The following MOK variants were observed in gnomAD, a reference collection of about 807,000 sequenced individuals.
MOK encodes MOK protein kinase.
A neutral mutation model predicts 54.2 loss-of-function variants in MOK; 59 were observed. That is an observed-to-expected ratio of 1.09 (90% confidence interval 0.88 to 1.35). The LOEUF (loss-of-function observed/expected upper bound fraction) is 1.35, where lower values mean the gene tolerates loss of function less well. MOK is among the 40% of genes most tolerant of loss of function. MOK has a pLI of 0.00. For synonymous variants in MOK, 210 were observed against 202.7 expected (o/e 1.04, Z -0.31); for missense variants, 517 against 526.2 (o/e 0.98, Z 0.17).
downstream of MOK, chr14:102,225,035 A>G (rs1261999688): frequency 1.5e-5 from 5 of 325,202 alleles, no homozygotes; most frequent in Non-Finnish European, 3.0e-5. Context: ...TTTGGAAGGC[A>G]GAAGGAACTA....
chr14:102,288,592 G>C (rs1717760541), intron 1 of MOK, among the ~76,000 whole-genome samples: 1 of 152,168 alleles, frequency 6.6e-6, no homozygotes, highest in Non-Finnish European at 1.5e-5. Context: ...TTCTTTTGGG[G>C]ATGATGAAAA....
chr14:102,252,105 C>T (rs2066578469), intron 4 of MOK, 110 bp from the exon 5 acceptor site: 2 of 695,650 alleles, frequency 2.9e-6, no homozygotes, highest in South Asian at 3.8e-5. Flanking sequence ...CTAAGTTCCC[C>T]TGTAAAAAAT....
chr14:102,292,378 C>G (rs947092995), intron 1 of MOK, among the ~76,000 whole-genome samples: 2 of 152,072 alleles, frequency 1.3e-5, no homozygotes, highest in African/African-American at 4.8e-5. Flanking sequence ...GAGGCTGAGG[C>G]AGGAGAATGG....
intron 1 of MOK, among the ~76,000 whole-genome samples, chr14:102,302,193 C>G (rs1430284068): frequency 3.3e-5 from 5 of 151,790 alleles, no homozygotes; most frequent in Non-Finnish European, 4.4e-5. Flanking sequence ...CTGCCTCAGC[C>G]TCCCAAGTAG....
intron 7 of MOK, among the ~76,000 whole-genome samples, chr14:102,248,813 G>A (rs936325270): frequency 4.7e-5 from 7 of 150,186 alleles, no homozygotes; most frequent in South Asian, 2.1e-4. Context: ...CCCAGGATGC[G>A]GCCATACCAA....
chr14:102,247,286 A>G (rs1326379778), intron 7 of MOK: 1 of 152,206 alleles, frequency 6.6e-6, no homozygotes, highest in Non-Finnish European at 1.5e-5. Context: ...ACAAAACAGT[A>G]CATCTTTTTA....
At chr14:102,275,564 A>G in intron 2 of MOK, among the ~76,000 whole-genome samples, 1 of 76,266 alleles carries the variant, frequency 1.3e-5, no homozygotes, top group Non-Finnish European at 2.4e-5. Context: ...ACTCCATCTC[A>G]AAAAAAAAAA....
chr14:102,294,184 T>C (rs148782624), intron 1 of MOK, among the ~76,000 whole-genome samples: 8,468 of 151,348 alleles, frequency 0.056, 373 homozygotes, highest in African/African-American at 0.12. Context: ...CGGTGGCTCA[T>C]GCCTGTAATC....
intron 4 of MOK, among the ~76,000 whole-genome samples, chr14:102,255,049 G>T (rs1274517415): frequency 6.6e-6 from 1 of 152,228 alleles, no homozygotes; most frequent in African/African-American, 2.4e-5. Context: ...TTAAAAAGCT[G>T]ATTAAAAAGC....
Position 102,305,086 on chromosome 14 carries a change from G to A in MOK, c.-118C>T, listed in dbSNP as rs1371611075. On this transcript the variant is annotated 5_prime_UTR_variant, in exon 1 of 12. The change creates a new upstream start codon in the 5' untranslated region. Coordinates refer to ENST00000361847, the MANE Select transcript of MOK (RefSeq NM_014226.3). The stretch of plus-strand genomic sequence containing the variant: ...GGCGGGGTCCCGCACTAGGATCTCC[G>A]TGGTGGTCCCTCGAAGGAGAGCGTT... The A allele has an allele frequency of 8.2e-7, 1 of 1,221,552 alleles. No homozygotes were observed. 75.7% of individuals were successfully genotyped at this position (1,221,552 alleles called of 1,614,324 possible).
In MOK at chr14:102,232,178, G is replaced by A. The variant is rs2064789465; in HGVS notation, c.866+357C>T. The A allele has an allele frequency of 3.0e-6, 1 of 332,660 alleles. No homozygotes were observed. Among genetic ancestry groups the A allele is most frequent in the Non-Finnish European group, 5.4e-6 (1 of 183,578 alleles). The allele number at this position is 332,660 out of a possible 1,614,324, so 20.6% of individuals were successfully genotyped here. On this transcript the variant is annotated intron_variant, in intron 9 of 11. Transcript: ENST00000361847. The surrounding 1 kb of genome is among the most constrained non-coding windows in gnomAD (Gnocchi z 5.1). Reference sequence around the variant, plus strand: ...ATTCAGCAGGTACTTCCAGCGCCAGGTGACATCCACAGTGCTCTACCATCT... The same window carrying A: ...ATTCAGCAGGTACTTCCAGCGCCAGATGACATCCACAGTGCTCTACCATCT...
At chr14:102,233,891 C>A in intron 7 of MOK, 102 bp from the exon 8 acceptor site, 1 of 804,546 alleles carries the variant, frequency 1.2e-6, no homozygotes. Flanking sequence ...TCGTGGGAAG[C>A]ATAAACAAAC....
At chr14:102,252,793 C>T (rs945563689) in intron 4 of MOK, among the ~76,000 whole-genome samples, 1 of 152,118 alleles carries the variant, frequency 6.6e-6, no homozygotes, top group Non-Finnish European at 1.5e-5. Context: ...ATGGAAGAGA[C>T]TGCAAAGCAT....
Position 102,238,537 on chromosome 14 carries a change from C to A in MOK, c.591-4748G>T, listed in dbSNP as rs1172223616. 6.6e-6 allele frequency: 1 copy of A among 152,282 alleles called. No individual in the cohort carries two copies. Among genetic ancestry groups the A allele is most frequent in the African/African-American group, 2.4e-5 (1 of 41,422 alleles). The allele number at this position is 152,282 out of a possible 1,614,324, so 9.4% of individuals were successfully genotyped here. ...AGAGGCAACAGAAAGACCAATGGGG[C>A]AGCAAAAGAAGCCTCCCTTTCTTCC... On this transcript the variant is annotated intron_variant, in intron 7 of 11. Coordinates refer to ENST00000361847, the MANE Select transcript of MOK (RefSeq NM_014226.3). This position sits in a 1 kb window ranked among gnomAD's most constrained non-coding sequence, Gnocchi z 4.8.
chr14:102,224,826 C>T (rs1336029817), downstream of MOK: 2 of 455,882 alleles, frequency 4.4e-6, no homozygotes, highest in South Asian at 3.1e-5. Flanking sequence ...GACACTAAGA[C>T]TTGCTGTTCT....
At chr14:102,274,867 C>A (rs888355942) in intron 2 of MOK, among the ~76,000 whole-genome samples, 2 of 150,912 alleles carry the variant, frequency 1.3e-5, no homozygotes, top group Non-Finnish European at 2.9e-5. Flanking sequence ...CCCAGCTACT[C>A]AGGAGGCTGA....
At chr14:102,290,545 G>A (rs1339933568) in intron 1 of MOK, among the ~76,000 whole-genome samples, 1 of 152,116 alleles carries the variant, frequency 6.6e-6, no homozygotes, top group African/African-American at 2.4e-5. Flanking sequence ...AAGTAAATCG[G>A]TATATTAAAA....
At chr14:102,222,852 A>G, downstream of MOK, 2 of 1,614,242 alleles carry the variant, frequency 1.2e-6, no homozygotes, top group South Asian at 1.1e-5. The surrounding 1 kb of genome is among the most constrained non-coding windows in gnomAD (Gnocchi z 4.4). Context: ...TCCCCAAGCC[A>G]GGCCAGTTCT....
At chr14:102,288,324 T>A (rs1472717179) in intron 1 of MOK, among the ~76,000 whole-genome samples, 2 of 152,222 alleles carry the variant, frequency 1.3e-5, no homozygotes, top group African/African-American at 2.4e-5. Flanking sequence ...AAATGTGGTC[T>A]ATCCATACAA....
Sources: allele counts gnomAD v4.1 joint callset (sites outside exome capture counted in the v4.1 genomes callset), GRCh38; gene constraint gnomAD v4.1.1; non-coding constraint Gnocchi (gnomAD v3.1); transcripts MANE v1.5; gene names NCBI Gene and HGNC (gene_info 2026-07-23, HGNC 2026-07-21).